RBFOX3: variants seen among roughly 807,000 people sequenced by gnomAD.
RBFOX3 encodes the protein RNA binding fox-1 homolog 3.
A neutral mutation model predicts 48.7 loss-of-function variants in RBFOX3; 17 were observed. The observed-to-expected ratio is 0.35, with a 90% CI of 0.24 to 0.52. The LOEUF (loss-of-function observed/expected upper bound fraction) is 0.52. RBFOX3 is among the 20% of genes least tolerant of loss of function. RBFOX3 has a pLI of 0.94. For missense variants in RBFOX3, 382 were observed against 497.5 expected (o/e 0.77, Z 2.21); for synonymous variants, 212 against 209.5 (o/e 1.01, Z -0.10).
chr17:79,447,209 T>C (rs2072511144), intron 2 of RBFOX3, among the ~76,000 whole-genome samples: 1 of 152,226 alleles, frequency 6.6e-6, no homozygotes. Context: ...GCCTCCATTT[T>C]TCAGTCGAAC....
At chr17:79,152,421 C>A (rs926873217) in intron 4 of RBFOX3, among the ~76,000 whole-genome samples, 3 of 151,704 alleles carry the variant, frequency 2.0e-5, no homozygotes, top group East Asian at 3.9e-4. Context: ...GGGCCGCAGC[C>A]GAGGCAAGGA....
chr17:79,163,848 G>A (rs1264628696), intron 4 of RBFOX3, among the ~76,000 whole-genome samples: 1 of 152,182 alleles, frequency 6.6e-6, no homozygotes, highest in Non-Finnish European at 1.5e-5. Flanking sequence ...TGGGCCAGAT[G>A]GTGTCCAGAC....
At chr17:79,294,468 G>A (rs1401358344) in intron 3 of RBFOX3, among the ~76,000 whole-genome samples, 1 of 152,044 alleles carries the variant, frequency 6.6e-6, no homozygotes, top group African/African-American at 2.4e-5. Context: ...CTGCCACCAC[G>A]CCCAGCTAAT....
In RBFOX3 at chr17:79,309,595, C is replaced by T. The variant is rs28537260; in HGVS notation, c.-174-1771G>A. 2.8e-3 allele frequency among the ~76,000 whole-genome samples: 427 copies of T among 152,282 alleles called. 1 individual carries two copies. The highest frequency in any genetic ancestry group is 9.6e-3 in the African/African-American group (399 of 41,548). ...GGGAAGCCCCCTCCCCATCACCTGC[C>T]GCATCTACTCATGGCCTGTCGCATC... On this transcript the variant is annotated intron_variant, in intron 2 of 14. Coordinates refer to ENST00000693108, the MANE Select transcript of RBFOX3 (RefSeq NM_001350451.2).
chr17:79,188,238 C>T (rs762746641), intron 4 of RBFOX3, among the ~76,000 whole-genome samples: 3 of 152,198 alleles, frequency 2.0e-5, no homozygotes, highest in African/African-American at 4.8e-5. Flanking sequence ...CTCTGCCTCC[C>T]TCTGCCAGGG....
chr17:79,272,249 G>A (rs957513595), intron 3 of RBFOX3, among the ~76,000 whole-genome samples: 4 of 152,146 alleles, frequency 2.6e-5, no homozygotes, highest in African/African-American at 9.7e-5. Flanking sequence ...GCTGGGGGCG[G>A]GGGGCTCTGC....
chr17:79,620,022 CG>C, the RBFOX3 span, among the ~76,000 whole-genome samples: 2 of 151,220 alleles, frequency 1.3e-5, no homozygotes, highest in Non-Finnish European at 3.0e-5. Flanking sequence ...CACACACACA[CG>C]TGCACACATG....
chr17:79,432,542 G>A (rs547096633), intron 2 of RBFOX3, among the ~76,000 whole-genome samples: 27 of 152,056 alleles, frequency 1.8e-4, no homozygotes, highest in East Asian at 5.8e-4. Context: ...AACCTGTTTC[G>A]TTAAAAAAAA....
intron 3 of RBFOX3, among the ~76,000 whole-genome samples, chr17:79,286,514 GC>G (rs2071921018): frequency 6.6e-6 from 1 of 152,146 alleles, no homozygotes; most frequent in African/African-American, 2.4e-5. Flanking sequence ...TTCACGCCCG[GC>G]CCCTGATGCT....
rs2057243325 is a variant in RBFOX3 at position 79,363,216 on chromosome 17, C to T, written c.-174-55392G>A. ...AGCGTGGCCAGGGGTTCTGTAGTGCCAGCAAGGCTGATGCACAGAGAGGGG... is the reference window on the plus strand; with the variant it reads ...AGCGTGGCCAGGGGTTCTGTAGTGCTAGCAAGGCTGATGCACAGAGAGGGG... On this transcript the variant is annotated intron_variant, in intron 2 of 14. Transcript: ENST00000693108. The surrounding 1 kb of genome is among the most constrained non-coding windows in gnomAD (Gnocchi z 4.7). Among the ~76,000 whole-genome samples, 1 of 152,120 alleles carries T rather than the reference C, an allele frequency of 6.6e-6. No homozygotes were observed. Among genetic ancestry groups the T allele is most frequent in the African/African-American group, 2.4e-5 (1 of 41,408 alleles).
chr17:79,271,767 G>C (rs1051988681), intron 3 of RBFOX3, among the ~76,000 whole-genome samples: 3 of 152,118 alleles, frequency 2.0e-5, no homozygotes, highest in Non-Finnish European at 4.4e-5. Context: ...AAAGGGTACA[G>C]AGCCACTGTA....
At chr17:79,336,462 G>T (rs893458373) in intron 2 of RBFOX3, among the ~76,000 whole-genome samples, 1 of 152,048 alleles carries the variant, frequency 6.6e-6, no homozygotes, top group African/African-American at 2.4e-5. Context: ...TCCAGGTGGG[G>T]CAACCGAGCT....
At chr17:79,582,168 G>A (rs951906117) in intron 1 of RBFOX3, among the ~76,000 whole-genome samples, 9 of 150,396 alleles carry the variant, frequency 6.0e-5, no homozygotes, top group Admixed American at 2.6e-4. Context: ...GTGCCTGTGC[G>A]TGCCTGTGTA....
chr17:79,576,240 T>C (rs2092851720), intron 1 of RBFOX3, among the ~76,000 whole-genome samples: 1 of 152,238 alleles, frequency 6.6e-6, no homozygotes, highest in Non-Finnish European at 1.5e-5. Context: ...TGCCAACACC[T>C]GTAATCATGT....
chr17:79,218,521 C>A (rs183519591), intron 4 of RBFOX3, among the ~76,000 whole-genome samples: 1 of 152,186 alleles, frequency 6.6e-6, no homozygotes, highest in Non-Finnish European at 1.5e-5. Flanking sequence ...ACAGGCAGAG[C>A]CCCTGCTGGG....
intron 12 of RBFOX3, 96 bp downstream of exon 12, chr17:79,096,557 T>C: frequency 9.1e-7 from 1 of 1,097,510 alleles, no homozygotes; most frequent in Non-Finnish European, 1.3e-6. Context: ...TGGGATGGGA[T>C]GGGAGGAGCG....
intron 4 of RBFOX3, among the ~76,000 whole-genome samples, chr17:79,173,423 C>T (rs553771652): frequency 2.6e-5 from 4 of 152,274 alleles, no homozygotes; most frequent in Non-Finnish European, 2.9e-5. Flanking sequence ...CCTTGGAGGT[C>T]GTCTTCCTAC....
intron 4 of RBFOX3, among the ~76,000 whole-genome samples, chr17:79,134,293 CCCA>C (rs1404851880): frequency 6.6e-6 from 1 of 152,272 alleles, no homozygotes; most frequent in Non-Finnish European, 1.5e-5. Context: ...CAGCCAAACA[CCCA>C]CCTGGTGGAA....
chr17:79,305,264 C>T lies in RBFOX3; in HGVS notation c.-74+2460G>A, dbSNP rs542213109. On this transcript the variant is annotated intron_variant, in intron 3 of 14. Coordinates refer to ENST00000693108, the MANE Select transcript of RBFOX3 (RefSeq NM_001350451.2). ...TGGGGGCAGGGGGCTTGGAACCCTG[C>T]GGCCGGCCAAGCCCTGCCGTCATAG... Among the ~76,000 whole-genome samples the T allele has an allele frequency of 5.9e-5, 9 of 152,172 alleles. No individual in the cohort carries two copies. In the South Asian group the frequency reaches 8.3e-4, roughly 14 times the overall value.
Sources: allele counts gnomAD v4.1 joint callset (sites outside exome capture counted in the v4.1 genomes callset), GRCh38; gene constraint gnomAD v4.1.1; non-coding constraint Gnocchi (gnomAD v3.1); transcripts MANE v1.5; gene names NCBI Gene and HGNC (gene_info 2026-07-23, HGNC 2026-07-21).